Variants in DMD observed in about 807,000 individuals in gnomAD.
DMD encodes mutant dystrophin.
DMD carries 63 observed loss-of-function variants against 330.1 expected under a neutral mutation model. The ratio of observed to expected loss-of-function variants is 0.19; its 90% CI spans 0.16 to 0.24. The LOEUF is 0.24. Ranked by LOEUF, DMD falls within the 10% of genes least tolerant of loss-of-function variation. The pLI is 1.00. For missense variants in DMD, 3,344 were observed against 2,684.1 expected (o/e 1.25, Z -5.43); for synonymous variants, 1,223 against 959.8 (o/e 1.27, Z -5.07).
chrX:32,759,862 GGGGA>G, intron 7 of DMD, among the ~76,000 whole-genome samples: 2 of 63,044 alleles, frequency 3.2e-5, no homozygotes, highest in African/African-American at 1.3e-4. Context: ...GGGGGGGGCG[GGGGA>G]AGACCCAGGC....
chrX:31,696,473 C>G (rs2083457420), intron 52 of DMD, among the ~76,000 whole-genome samples: 1 of 111,348 alleles, frequency 9.0e-6, no homozygotes, highest in African/African-American at 3.3e-5. Context: ...TAGTAGTCAC[C>G]CTTGTGAAAT....
At chrX:32,437,887 T>A (rs2098267617) in intron 29 of DMD, among the ~76,000 whole-genome samples, 1 of 112,116 alleles carries the variant, frequency 8.9e-6, no homozygotes, top group Non-Finnish European at 1.9e-5. Flanking sequence ...GCAGATTACA[T>A]GTGACATAAC....
intron 44 of DMD, among the ~76,000 whole-genome samples, chrX:31,988,473 C>CAAAAAAAAAAAAA (rs11352664): frequency 8.3e-5 from 2 of 24,150 alleles, no homozygotes; most frequent in African/African-American, 1.5e-4. Flanking sequence ...GACTCCATCT[C>CAAAAAAAAAAAAA]AAAAAAAAAA....
intron 34 of DMD, among the ~76,000 whole-genome samples, chrX:32,379,738 C>T (rs2097917468): frequency 9.0e-6 from 1 of 111,036 alleles, no homozygotes; most frequent in Non-Finnish European, 1.9e-5. Context: ...TCTGGATAGC[C>T]ACATTGAATT....
intron 25 of DMD, among the ~76,000 whole-genome samples, chrX:32,456,278 AT>A (rs763007077): frequency 2.3e-3 from 259 of 111,015 alleles, no homozygotes; most frequent in African/African-American, 7.9e-3. Context: ...GTAGTACTTG[AT>A]CTACTACAAT....
intron 29 of DMD, among the ~76,000 whole-genome samples, chrX:32,417,840 C>A (rs1390394231): frequency 9.1e-6 from 1 of 110,447 alleles, no homozygotes; most frequent in Non-Finnish European, 1.9e-5. Flanking sequence ...CACACACACA[C>A]ACACAAATCA....
chrX:31,977,787 CA>C (rs759262885), intron 44 of DMD, among the ~76,000 whole-genome samples: 21,542 of 60,092 alleles, frequency 0.36, 2,183 homozygotes, highest in South Asian at 0.48. Flanking sequence ...CTCTGCAAAT[CA>C]AAAAAAAAAA....
intron 29 of DMD, among the ~76,000 whole-genome samples, chrX:32,425,602 C>T (rs937265039): frequency 9.0e-6 from 1 of 111,164 alleles, no homozygotes; most frequent in Admixed American, 9.7e-5. Flanking sequence ...CTCTATTTGC[C>T]CTGCTCATTT....
At chrX:31,557,456 A>G (rs1359013741) in intron 55 of DMD, among the ~76,000 whole-genome samples, 1 of 111,887 alleles carries the variant, frequency 8.9e-6, no homozygotes, top group African/African-American at 3.2e-5. Flanking sequence ...GTCTGGGTAT[A>G]CAGACTTATG....
chrX:33,089,600 A>C (rs745919951), intron 1 of DMD, among the ~76,000 whole-genome samples: 13 of 111,599 alleles, frequency 1.2e-4, no homozygotes, highest in Admixed American at 1.9e-4. Context: ...ATTTTTAAAA[A>C]AGTTATGAAT....
chrX:32,977,655 T>C (rs775573576), intron 2 of DMD, among the ~76,000 whole-genome samples: 4 of 111,253 alleles, frequency 3.6e-5, no homozygotes, highest in African/African-American at 1.3e-4. Context: ...GTTTGACCCT[T>C]AGAAAGGTCA....
chrX:32,298,739 G>A (rs763026598), intron 42 of DMD, among the ~76,000 whole-genome samples: 1 of 110,710 alleles, frequency 9.0e-6, no homozygotes, highest in Non-Finnish European at 1.9e-5. Flanking sequence ...TTATTTAGGG[G>A]AGGTGGGAAA....
chrX:32,460,203 T>C (rs1273132786), intron 25 of DMD, among the ~76,000 whole-genome samples: 18 of 110,739 alleles, frequency 1.6e-4, no homozygotes, highest in African/African-American at 5.2e-4. Context: ...AGGATGTATA[T>C]TGCCAAAAAG....
At chrX:32,232,428 T>C (rs1158844920) in intron 43 of DMD, among the ~76,000 whole-genome samples, 1 of 111,001 alleles carries the variant, frequency 9.0e-6, no homozygotes, top group East Asian at 2.8e-4. Context: ...TCACCCCCAC[T>C]CCTACCCACT....
At chrX:31,743,557 C>T (rs2087548146) in intron 51 of DMD, among the ~76,000 whole-genome samples, 1 of 112,022 alleles carries the variant, frequency 8.9e-6, no homozygotes, top group Non-Finnish European at 1.9e-5. Flanking sequence ...AACATGGATG[C>T]AGCTGGAGGC....
chrX:33,141,612 C>A (rs1177980479), intron 1 of DMD, among the ~76,000 whole-genome samples: 2 of 111,733 alleles, frequency 1.8e-5, no homozygotes, highest in East Asian at 5.6e-4. Context: ...CAGTGATATT[C>A]AGTATGATTG....
chrX:32,627,774 CAG>C (rs1325157530), intron 11 of DMD, among the ~76,000 whole-genome samples: 1 of 111,444 alleles, frequency 9.0e-6, no homozygotes, highest in Non-Finnish European at 1.9e-5. Context: ...GAATTTTATA[CAG>C]AGATTGTCAT....
rs1032168141 is a variant in DMD at position 32,653,817 on chromosome X, G to A, written c.961-8665C>T. ...ATAGAATGTTCTTCCATTTGTTTGTGTCCTCTTGTATTTTGGTGAGCAGTG... is the reference window on the plus strand; with the variant it reads ...ATAGAATGTTCTTCCATTTGTTTGTATCCTCTTGTATTTTGGTGAGCAGTG... On this transcript the variant is annotated intron_variant, in intron 9 of 78. Transcript: ENST00000357033. Among the ~76,000 whole-genome samples the A allele has an allele frequency of 3.6e-5, 4 of 111,714 alleles. No homozygotes were observed. The East Asian group carries it at 1.1e-3, about 32-fold the overall frequency.
At chrX:31,173,215 G>C (rs2040180446) in intron 72 of DMD, among the ~76,000 whole-genome samples, 2 of 110,994 alleles carry the variant, frequency 1.8e-5, no homozygotes, top group African/African-American at 6.5e-5. Flanking sequence ...TTTCATATAT[G>C]AATGTCTGGT....
Sources: allele counts gnomAD v4.1 joint callset (sites outside exome capture counted in the v4.1 genomes callset), GRCh38; gene constraint gnomAD v4.1.1; transcripts MANE v1.5; gene names NCBI Gene and HGNC (gene_info 2026-07-23, HGNC 2026-07-21).